BDH1: variants seen among roughly 807,000 people sequenced by gnomAD.
The protein encoded by BDH1 is 3-hydroxybutyrate dehydrogenase 1, also known as D-beta-hydroxybutyrate dehydrogenase, mitochondrial.
A neutral mutation model predicts 33.1 loss-of-function variants in BDH1; 30 were observed. That is an observed-to-expected ratio of 0.91 (90% CI 0.68 to 1.23). BDH1 has a LOEUF of 1.23. BDH1 is among the 50% of genes most tolerant of loss of function. The pLI is 0.00. For synonymous variants in BDH1, 190 were observed against 183.6 expected, an observed-to-expected ratio of 1.03 and a Z score of -0.28; for missense variants, 443 against 464.4, an observed-to-expected ratio of 0.95 and a Z score of 0.42.
chr3:197,512,362 G>C lies in BDH1; in HGVS notation c.565C>G (p.Arg189Gly). 6.2e-7 allele frequency: 1 copy of C among 1,600,932 alleles called. No homozygotes were observed. The highest frequency in any genetic ancestry group is 8.5e-7 in the Non-Finnish European group (1 of 1,176,664). Residue 189 changes from arginine to glycine, a missense_variant and splice_region_variant, in exon 8 of 8, where the codon CGC (arginine) becomes GGC (glycine). Physicochemically the swap from Arg to Gly is moderately radical, Grantham distance 125. Coordinates refer to ENST00000392379, the MANE Select transcript of BDH1 (RefSeq NM_203314.3). ...FLPLIRRAKG[R>G]VVNISSMLGR... ...AGCATGCTGCTGATATTGACGACGCGGCCTACAGAGGGAGACAGAGGTACC... is the reference window on the plus strand; with the variant it reads ...AGCATGCTGCTGATATTGACGACGCCGCCTACAGAGGGAGACAGAGGTACC...
intron 2 of BDH1, among the ~76,000 whole-genome samples, chr3:197,550,400 A>T (rs573022144): frequency 3.2e-3 from 486 of 151,848 alleles, no homozygotes; most frequent in Non-Finnish European, 3.9e-3. Context: ...CACCACATAC[A>T]CTCTGCAGTG....
chr3:197,569,963 A>G (rs1486886565), intron 1 of BDH1, among the ~76,000 whole-genome samples: 2 of 152,226 alleles, frequency 1.3e-5, no homozygotes. Flanking sequence ...AGACAGGAAA[A>G]ATGTGAAAAA....
In BDH1 at chr3:197,522,721, C is replaced by T. The variant is rs115125137; in HGVS notation, c.328G>A (p.Val110Ile). ...TCGCTGCTGCAGACATTGAGCTGGA[C>T]GGTTCTCAATCGGTCACTGTTTAGG... is the stretch of plus-strand genomic sequence containing the variant. ...DSLNSDRLRTVQLNVCSSEEV... is the reference protein window; with the variant it reads ...DSLNSDRLRTIQLNVCSSEEV... Residue 110 changes from valine (V) to isoleucine (I), a missense_variant, in exon 6 of 8, where the codon GTC becomes ATC. Transcript: ENST00000392379. This position sits in a 1 kb window ranked among gnomAD's most constrained non-coding sequence, Gnocchi z 4.8. The T allele has an allele frequency of 3.6e-4, 575 of 1,614,168 alleles. 2 individuals carry two copies. The African/African-American group carries it at 6.8e-3, about 19-fold the overall frequency.
rs2108727468 is a variant in BDH1 at position 197,523,461 on chromosome 3, T to C, written c.268-680A>G. ...TGTAAAACAGGAACATCACCACCTG[T>C]CCTGACCTGCTCAGATTAATGGAGT... On this transcript the variant is annotated intron_variant, in intron 5 of 7. Transcript: ENST00000392379. This position sits in a 1 kb window ranked among gnomAD's most constrained non-coding sequence, Gnocchi z 4.5. 6.6e-6 allele frequency among the ~76,000 whole-genome samples: 1 copy of C among 152,214 alleles called. No individual in the cohort carries two copies. Among genetic ancestry groups the C allele is most frequent in the African/African-American group, 2.4e-5 (1 of 41,560 alleles).
intron 6 of BDH1, chr3:197,515,781 G>A: frequency 1.0e-6 from 1 of 952,878 alleles, no homozygotes; most frequent in Non-Finnish European, 1.2e-6. Context: ...GCGGGCACCT[G>A]TAGTCCCAGC....
intron 1 of BDH1, among the ~76,000 whole-genome samples, chr3:197,562,253 T>C (rs190934732): frequency 6.6e-6 from 1 of 152,332 alleles, no homozygotes; most frequent in East Asian, 1.9e-4. Context: ...AAATTGTTGT[T>C]TAAGGATCCT....
At chr3:197,535,084 T>G (rs1398550973) in intron 3 of BDH1, among the ~76,000 whole-genome samples, 1 of 152,200 alleles carries the variant, frequency 6.6e-6, no homozygotes, top group Non-Finnish European at 1.5e-5. Context: ...ATCCCATCCA[T>G]GAGGACTCCA....
intron 3 of BDH1, among the ~76,000 whole-genome samples, chr3:197,537,308 A>G (rs1715243289): frequency 6.6e-6 from 1 of 152,216 alleles, no homozygotes; most frequent in South Asian, 2.1e-4. Flanking sequence ...TTGTTTTAAA[A>G]TTTGATATCC....
rs1321083541 is a variant in BDH1, at chr3:197,528,388, G to A, written c.267+4024C>T. On this transcript the variant is annotated intron_variant, in intron 5 of 7. Coordinates refer to ENST00000392379, the MANE Select transcript of BDH1 (RefSeq NM_203314.3). This position sits in a 1 kb window ranked among gnomAD's most constrained non-coding sequence, Gnocchi z 5.1. ...GGAGCCAGTGACGTAGGAGGTGGCAGACATCTGCTGGAGCTAAGTCCCTGA... is the reference window on the plus strand; with the variant it reads ...GGAGCCAGTGACGTAGGAGGTGGCAAACATCTGCTGGAGCTAAGTCCCTGA... The A allele has an allele frequency of 6.6e-6, 1 of 152,270 alleles. No individual in the cohort carries two copies. The highest frequency in any genetic ancestry group is 1.5e-5 in the Non-Finnish European group (1 of 68,140). 9.4% of individuals were successfully genotyped at this position (152,270 alleles called of 1,614,324 possible).
rs975653868 is a variant in BDH1, at chr3:197,525,181, C to T, written c.268-2400G>A. On this transcript the variant is annotated intron_variant, in intron 5 of 7. Transcript: ENST00000392379. This position sits in a 1 kb window ranked among gnomAD's most constrained non-coding sequence, Gnocchi z 4.9. ...GTGATGACGTGGTGCCTGCAGACCC[C>T]TCTCTTCCACAGGCGGCACACAGGT... is the stretch of plus-strand genomic sequence containing the variant. Among the ~76,000 whole-genome samples the T allele has an allele frequency of 1.3e-5, 2 of 152,218 alleles. No homozygotes were observed. Among genetic ancestry groups the T allele is most frequent in the African/African-American group, 4.8e-5 (2 of 41,452 alleles).
intron 5 of BDH1, among the ~76,000 whole-genome samples, chr3:197,532,144 G>A: frequency 6.6e-6 from 1 of 152,186 alleles, no homozygotes; most frequent in Non-Finnish European, 1.5e-5. Context: ...CAGGGACAAG[G>A]TCTCATTCTT....
Position 197,510,673 on chromosome 3 carries a change from CATGTGTGTAAGGTGTGTG to C in BDH1, c.*1204_*1221del, listed in dbSNP as rs1711890971. On this transcript the variant is annotated 3_prime_UTR_variant, in exon 8 of 8. Transcript: ENST00000392379. ...GTGTGTGTGTGTGTGTGTGTGTGTA[CATGTGTGTAAGGTGTGTG>C]TGTGTGTGTGTGTGTGTGTGTGTGT... 1 of 40,044 alleles carries C rather than the reference CATGTGTGTAAGGTGTGTG, an allele frequency of 2.5e-5. No individual in the cohort carries two copies. The highest frequency in any genetic ancestry group is 2.8e-4 in the Admixed American group (1 of 3,528). 2.5% of individuals were successfully genotyped at this position (40,044 alleles called of 1,614,324 possible). A position where few individuals can be genotyped will look rare whatever the true frequency, so the allele number is the denominator to read the frequency against.
intron 1 of BDH1, among the ~76,000 whole-genome samples, chr3:197,568,110 C>G (rs1240638225): frequency 3.3e-5 from 5 of 152,202 alleles, no homozygotes; most frequent in Admixed American, 3.3e-4. Context: ...AGTGTTAATT[C>G]AGGACAGTGC....
chr3:197,548,926 TA>T (rs1716329478), intron 2 of BDH1, among the ~76,000 whole-genome samples: 1 of 152,168 alleles, frequency 6.6e-6, no homozygotes, highest in Non-Finnish European at 1.5e-5. Context: ...GTTCTCAATG[TA>T]GTCTGTTGCA....
At chr3:197,542,003 A>G (rs990193607) in intron 3 of BDH1, among the ~76,000 whole-genome samples, 2 of 152,132 alleles carry the variant, frequency 1.3e-5, no homozygotes, top group Non-Finnish European at 2.9e-5. Context: ...AGTGCGCCCA[A>G]CGCTTTCCAG....
chr3:197,531,575 A>G (rs1403981735), intron 5 of BDH1, among the ~76,000 whole-genome samples: 2 of 151,988 alleles, frequency 1.3e-5, no homozygotes, highest in Non-Finnish European at 2.9e-5. Flanking sequence ...CTAAGTGTTC[A>G]AGAAGTGTGG....
In BDH1 at chr3:197,532,392, G is replaced by T; in HGVS notation, c.267+20C>A. The T allele has an allele frequency of 6.3e-7, 1 of 1,593,052 alleles. No homozygotes were observed. The highest frequency in any genetic ancestry group is 1.3e-5 in the African/African-American group (1 of 74,598). ...ACTATGTGTAAAAGACAATGGTGAA[G>T]AAGATAACTCGTCTCTTACCTTCAT... On this transcript the variant is annotated intron_variant, in intron 5 of 7. Coordinates refer to ENST00000392379, the MANE Select transcript of BDH1 (RefSeq NM_203314.3).
At chr3:197,564,504 C>G (rs1717370282) in intron 1 of BDH1, among the ~76,000 whole-genome samples, 1 of 151,846 alleles carries the variant, frequency 6.6e-6, no homozygotes, top group East Asian at 1.9e-4. Context: ...AAAAAGATAC[C>G]AAGTCCTGCT....
In BDH1 at chr3:197,520,548, G is replaced by A. The variant is rs983455182; in HGVS notation, c.409+2092C>T. Among the ~76,000 whole-genome samples, 1 of 152,166 alleles carries A rather than the reference G, an allele frequency of 6.6e-6. No homozygotes were observed. Among genetic ancestry groups the A allele is most frequent in the Non-Finnish European group, 1.5e-5 (1 of 68,030 alleles). ...ATTCTGCCCCAGAGTCAGGGGGGCA[G>A]GGGACGAGGACCGCCAGCCTGAGCA... is the stretch of plus-strand genomic sequence containing the variant. On this transcript the variant is annotated intron_variant, in intron 6 of 7. Coordinates refer to ENST00000392379, the MANE Select transcript of BDH1 (RefSeq NM_203314.3). The surrounding 1 kb of genome is among the most constrained non-coding windows in gnomAD (Gnocchi z 6.0).
Sources: allele counts gnomAD v4.1 joint callset (sites outside exome capture counted in the v4.1 genomes callset), GRCh38; gene constraint gnomAD v4.1.1; non-coding constraint Gnocchi (gnomAD v3.1); transcripts MANE v1.5; gene names NCBI Gene and HGNC (gene_info 2026-07-23, HGNC 2026-07-21).